The following ZFYVE26 variants were observed in gnomAD, a reference collection of about 807,000 sequenced individuals.
The protein encoded by ZFYVE26 is zinc finger FYVE-type containing 26.
ZFYVE26 carries 181 observed loss-of-function variants against 276.5 expected under a neutral mutation model. That is an observed-to-expected ratio of 0.65 (90% CI 0.58 to 0.74). The LOEUF is 0.74. Among genes scored for constraint, ZFYVE26 ranks in the 30% least tolerant of loss-of-function variants. The probability of loss-of-function intolerance (pLI) is 0.00; values close to 1 mark genes in which losing one functional copy is unlikely to be tolerated. For synonymous variants in ZFYVE26, 1,129 were observed against 1,203.1 expected (o/e 0.94, Z 1.27); for missense variants, 2,821 against 3,097.9 (o/e 0.91, Z 2.12).
chr14:67,735,482 A>C, intron 13 of ZFYVE26: 1 of 572,254 alleles, frequency 1.7e-6, no homozygotes. Context: ...TGGCCGAGAC[A>C]CCGTTCGACC....
At chr14:67,761,191 C>T in intron 35 of ZFYVE26, 175 bp downstream of exon 35, 1 of 720,734 alleles carries the variant, frequency 1.4e-6, no homozygotes, top group Non-Finnish European at 2.5e-6. Flanking sequence ...ACTTTTCACA[C>T]TCACTGAATA....
In ZFYVE26 at chr14:67,753,741, T is replaced by C. The variant is rs2140182618; in HGVS notation, c.7154A>G (p.Glu2385Gly). ...CKVMLGGKNV[E>G]DGFGIAFRVL... ...ACGGAAAGCAATTCCAAAACCATCT[T>C]CTACATTTTTCCCTCCCAGCATGAC... Residue 2385 changes from glutamate to glycine, a missense_variant, in exon 39 of 42, where the codon GAA (glutamate) becomes GGA (glycine). By Grantham distance (98) the Glu-to-Gly change is moderately conservative. Transcript: ENST00000347230. 1 of 1,613,692 alleles carries C rather than the reference T, an allele frequency of 6.2e-7. No individual in the cohort carries two copies. The highest frequency in any genetic ancestry group is 1.6e-4 in the Middle Eastern group (1 of 6,062).
At chr14:67,803,879 C>T (rs1279067395) in intron 9 of ZFYVE26, among the ~76,000 whole-genome samples, 1 of 152,062 alleles carries the variant, frequency 6.6e-6, no homozygotes, top group East Asian at 1.9e-4. Flanking sequence ...ACAAAGAATG[C>T]AGGATCATAC....
At chr14:67,798,875 C>CA in intron 10 of ZFYVE26, 2 of 877,366 alleles carry the variant, frequency 2.3e-6, no homozygotes, top group Non-Finnish European at 3.5e-6. Flanking sequence ...CGGGCCTCCC[C>CA]AGCCTTTTGG....
rs368447621 is a variant in ZFYVE26, at chr14:67,771,665, G to C, written c.5484+382C>G. On this transcript the variant is annotated intron_variant, in intron 28 of 41. Transcript: ENST00000347230. ...ATAGTCACACTGTCATTAAGAGGCA[G>C]AGCCAGGATTAGAACCCAGGCCCTC... is the stretch of plus-strand genomic sequence containing the variant. 2.4e-4 allele frequency among the ~76,000 whole-genome samples: 37 copies of C among 152,318 alleles called. No homozygotes were observed. In the South Asian group the frequency reaches 7.5e-3, roughly 31 times the overall value.
intron 18 of ZFYVE26, 152 bp from the exon 19 acceptor site, chr14:67,785,429 A>C: frequency 1.3e-6 from 1 of 768,236 alleles, no homozygotes; most frequent in Non-Finnish European, 2.2e-6. Context: ...CAAATATAAA[A>C]TCCTAAGTCA....
chr14:67,792,826 C>G (rs752778371), intron 14 of ZFYVE26, among the ~76,000 whole-genome samples: 2 of 134,110 alleles, frequency 1.5e-5, no homozygotes, highest in Non-Finnish European at 3.0e-5. Flanking sequence ...GCAGGAGAAT[C>G]GGTTGAACAT....
intron 32 of ZFYVE26, among the ~76,000 whole-genome samples, chr14:67,763,404 C>T (rs978537807): frequency 4.1e-4 from 62 of 152,296 alleles, no homozygotes; most frequent in African/African-American, 1.4e-3. Flanking sequence ...TAGCAATGAA[C>T]TGCATATACA....
intron 13 of ZFYVE26, chr14:67,735,298 A>C: frequency 5.4e-5 from 46 of 857,204 alleles, no homozygotes; most frequent in Non-Finnish European, 9.2e-5. Flanking sequence ...GCTACATCTC[A>C]CCTCTCTGTA....
chr14:67,807,264 A>T, intron 5 of ZFYVE26, 134 bp downstream of exon 5: 1 of 1,163,246 alleles, frequency 8.6e-7, no homozygotes, highest in Non-Finnish European at 1.2e-6. Flanking sequence ...ACGAAAGAGC[A>T]TCGCACCCAT....
chr14:67,798,482 G>A lies in ZFYVE26; in HGVS notation c.1780C>T (p.His594Tyr), dbSNP rs773816517. 6.2e-7 allele frequency: 1 copy of A among 1,614,182 alleles called. No homozygotes were observed. The highest frequency in any genetic ancestry group is 8.5e-7 in the Non-Finnish European group (1 of 1,180,038). The change falls in exon 11 of 42, where the codon CAC (histidine) becomes TAC (tyrosine). Residue 594 changes from histidine to tyrosine, a missense_variant. Transcript: ENST00000347230. ...TCCTCAGCATAGTCCTCAGGCAAGT[G>A]AGGCTCTGGGTGAAGATCAGCAGAG... ...ITSADLHPEP[H>Y]LPEDYAEDDD...
intron 13 of ZFYVE26, among the ~76,000 whole-genome samples, chr14:67,740,475 AT>A (rs1566855803): frequency 6.6e-6 from 1 of 152,076 alleles, no homozygotes; most frequent in African/African-American, 2.4e-5. Context: ...GAATATTTTT[AT>A]TTTTTGAAAA....
intron 18 of ZFYVE26, 140 bp downstream of exon 18, chr14:67,785,718 A>G (rs1483426912): frequency 8.7e-7 from 1 of 1,144,374 alleles, no homozygotes; most frequent in African/African-American, 1.5e-5. Context: ...CGAGACATTG[A>G]GACATGCCCT....
At chr14:67,765,876 T>C (rs1746709492) in intron 32 of ZFYVE26, among the ~76,000 whole-genome samples, 1 of 152,222 alleles carries the variant, frequency 6.6e-6, no homozygotes, top group African/African-American at 2.4e-5. Flanking sequence ...GGAGGACACA[T>C]TTTCTTTAAA....
chr14:67,805,273 G>A lies in ZFYVE26; in HGVS notation c.1215C>T (p.Ala405=), dbSNP rs914725835. Reference sequence around the variant, plus strand: ...CCAGGTGAGCCCACAACCCATCACAGGCATCCCTGAGGAGCTCATCACAGC... The same window carrying A: ...CCAGGTGAGCCCACAACCCATCACAAGCATCCCTGAGGAGCTCATCACAGC... ...GPGCDELLRD[A]CDGLWAHLEV... is the part of the protein sequence containing the mutation. Residue 405 remains alanine, a synonymous_variant, in exon 8 of 42, where the codon GCC becomes GCT. Transcript: ENST00000347230. The A allele has an allele frequency of 6.2e-7, 1 of 1,614,020 alleles. No individual in the cohort carries two copies. Among genetic ancestry groups the A allele is most frequent in the African/African-American group, 1.3e-5 (1 of 74,928 alleles).
chr14:67,783,599 A>G, intron 20 of ZFYVE26, 74 bp from the exon 21 acceptor site: 1 of 1,572,322 alleles, frequency 6.4e-7, no homozygotes, highest in African/African-American at 1.3e-5. Flanking sequence ...CAATTTCTTT[A>G]TGCTTACATG....
chr14:67,739,669 C>T (rs756128265), intron 13 of ZFYVE26, among the ~76,000 whole-genome samples: 1 of 152,090 alleles, frequency 6.6e-6, no homozygotes, highest in Non-Finnish European at 1.5e-5. Context: ...TGTCATCTTC[C>T]ATTGATTTCT....
At chr14:67,809,944 C>A (rs2040265775) in intron 3 of ZFYVE26, among the ~76,000 whole-genome samples, 1 of 152,050 alleles carries the variant, frequency 6.6e-6, no homozygotes, top group Non-Finnish European at 1.5e-5. Flanking sequence ...GCCACCACTT[C>A]TGGCTAATTT....
chr14:67,763,753 G>A (rs982414593), intron 32 of ZFYVE26, among the ~76,000 whole-genome samples: 9 of 152,304 alleles, frequency 5.9e-5, no homozygotes, highest in African/African-American at 1.4e-4. Context: ...GATAATGTCC[G>A]GAACTTTTCT....
Sources: allele counts gnomAD v4.1 joint callset (sites outside exome capture counted in the v4.1 genomes callset), GRCh38; gene constraint gnomAD v4.1.1; transcripts MANE v1.5; gene names NCBI Gene and HGNC (gene_info 2026-07-23, HGNC 2026-07-21).